Variants in PARVB observed in about 807,000 individuals in gnomAD.
PARVB encodes the protein beta-parvin.
PARVB carries 46 observed loss-of-function variants against 47.0 expected under a neutral mutation model. The ratio of observed to expected loss-of-function variants is 0.98; its 90% confidence interval spans 0.77 to 1.25. The LOEUF (loss-of-function observed/expected upper bound fraction) is 1.25, where lower values mean the gene tolerates loss of function less well. PARVB is among the 50% of genes most tolerant of loss of function. The pLI is 0.00. For missense variants in PARVB, 473 were observed against 471.6 expected (o/e 1.00, Z -0.03); for synonymous variants, 196 against 196.3 (o/e 1.00, Z 0.01).
intron 2 of PARVB, among the ~76,000 whole-genome samples, chr22:44,095,819 GGA>G (rs949048719): frequency 5.3e-5 from 8 of 152,220 alleles, no homozygotes; most frequent in African/African-American, 1.4e-4. Flanking sequence ...AAGAGCTTAT[GGA>G]GAAGAAACGC....
intron 3 of PARVB, among the ~76,000 whole-genome samples, chr22:44,101,236 C>T (rs998282567): frequency 4.0e-5 from 6 of 151,142 alleles, no homozygotes; most frequent in African/African-American, 4.9e-5. Context: ...GGTGAAACCC[C>T]GTCTCTACTA....
intron 1 of PARVB, among the ~76,000 whole-genome samples, chr22:44,082,300 C>G (rs755255089): frequency 2.0e-5 from 3 of 152,180 alleles, no homozygotes; most frequent in Non-Finnish European, 4.4e-5. Context: ...AGGTGGATCA[C>G]TTGAAATCAG....
rs1034562402 is a variant in PARVB at position 44,170,093 on chromosome 22, C to T, written c.*1415C>T. 6.6e-6 allele frequency: 1 copy of T among 150,982 alleles called. No individual in the cohort carries two copies. Among genetic ancestry groups the T allele is most frequent in the Admixed American group, 6.6e-5 (1 of 15,190 alleles). The allele number at this position is 150,982 out of a possible 1,614,324, so 9.4% of individuals were successfully genotyped here. A position where few individuals can be genotyped will look rare whatever the true frequency, so the allele number is the denominator to read the frequency against. ...TCAGCTCACTGCAGCCTTGATCTCC[C>T]AGGCTCAATTGATCCTCCCACCTCA... On this transcript the variant is annotated 3_prime_UTR_variant, in exon 13 of 13. Coordinates refer to ENST00000338758, the MANE Select transcript of PARVB (RefSeq NM_013327.5).
intron 8 of PARVB, chr22:44,140,441 G>A: frequency 1.4e-6 from 1 of 697,604 alleles, no homozygotes; most frequent in East Asian, 2.8e-5. Flanking sequence ...ACTGTCAGGG[G>A]CTGGAGCAAG....
intron 10 of PARVB, among the ~76,000 whole-genome samples, chr22:44,157,109 C>T (rs2053951667): frequency 6.6e-6 from 1 of 152,224 alleles, no homozygotes; most frequent in Non-Finnish European, 1.5e-5. Context: ...TGCATGTGGC[C>T]ATTGGCTACC....
intron 1 of PARVB, among the ~76,000 whole-genome samples, chr22:44,050,010 G>A (rs1277743076): frequency 1.3e-5 from 2 of 152,168 alleles, no homozygotes; most frequent in African/African-American, 2.4e-5. Flanking sequence ...ACCTGGACTC[G>A]CTGTCACTCA....
intron 2 of PARVB, among the ~76,000 whole-genome samples, chr22:44,016,611 A>G (rs1034454758): frequency 1.3e-5 from 2 of 152,204 alleles, no homozygotes; most frequent in Non-Finnish European, 2.9e-5. Flanking sequence ...AATTTTATAC[A>G]ATATTTTAAA....
intron 2 of PARVB, among the ~76,000 whole-genome samples, chr22:44,095,035 C>T (rs2052267834): frequency 6.8e-6 from 1 of 146,238 alleles, no homozygotes; most frequent in African/African-American, 2.5e-5. Context: ...TGTAGGAGCC[C>T]CGTGAGAGCC....
intron 1 of PARVB, among the ~76,000 whole-genome samples, chr22:44,076,089 C>A (rs1282914463): frequency 6.6e-6 from 1 of 152,230 alleles, no homozygotes; most frequent in African/African-American, 2.4e-5. Flanking sequence ...GAAGGAGGAC[C>A]GCCTGCCTCA....
At chr22:44,096,734 C>T (rs2052316689) in intron 2 of PARVB, among the ~76,000 whole-genome samples, 1 of 152,166 alleles carries the variant, frequency 6.6e-6, no homozygotes, top group Non-Finnish European at 1.5e-5. Context: ...AAGATGGTGG[C>T]CCTCATCAGA....
At position 44,131,591 on chromosome 22, in the gene PARVB, C is replaced by T. The variant is rs776127315; in HGVS notation, c.481C>T (p.Arg161Trp). The T allele has an allele frequency of 2.8e-5, 45 of 1,613,898 alleles. No homozygotes were observed. The highest frequency in any genetic ancestry group is 6.7e-5 in the East Asian group (3 of 44,884). ...TVLEAVHDLL[R>W]PRGWALRWSV... ...GCTGGAAGCAGTACATGACCTGCTG[C>T]GGCCCCGAGGCTGGGCGCTCCGGTG... Residue 161 changes from arginine to tryptophan, a missense_variant, in exon 5 of 13, where the codon CGG becomes TGG. By Grantham distance (101) the Arg-to-Trp change is moderately radical. Transcript: ENST00000338758.
chr22:44,068,090 C>T lies in PARVB; in HGVS notation c.113-25838C>T, dbSNP rs1020168378. Among the ~76,000 whole-genome samples the T allele has an allele frequency of 1.6e-5, 2 of 122,556 alleles. No individual in the cohort carries two copies. 80.4% of individuals were successfully genotyped at this position (122,556 alleles called of 152,430 possible). ...GACATGGGCCTCCCGTGGGCCTCAC[C>T]GCTTCCTGCTTCAGCAGAACTGGGA... On this transcript the variant is annotated intron_variant, in intron 1 of 12. Transcript: ENST00000338758. This position sits in a 1 kb window ranked among gnomAD's most constrained non-coding sequence, Gnocchi z 4.1.
chr22:44,151,621 G>A, intron 10 of PARVB, 70 bp downstream of exon 10: 1 of 1,237,832 alleles, frequency 8.1e-7, no homozygotes, highest in Non-Finnish European at 1.2e-6. Context: ...GATCCCAGGT[G>A]GGGCGCGTGA....
chr22:44,140,339 A>G, intron 8 of PARVB, 196 bp downstream of exon 8: 2 of 719,724 alleles, frequency 2.8e-6, no homozygotes, highest in Non-Finnish European at 5.1e-6. Context: ...CTCAGAGCTG[A>G]GAGTGGCTGG....
At position 44,132,979 on chromosome 22, in the gene PARVB, G is replaced by T. The variant is rs574450841; in HGVS notation, c.603G>T (p.Glu201Asp). Residue 201 changes from glutamate (E) to aspartate (D), a missense_variant, in exon 6 of 13, where the codon GAG becomes GAT. Glu to Asp is a conservative substitution (Grantham distance 45). Coordinates refer to ENST00000338758, the MANE Select transcript of PARVB (RefSeq NM_013327.5). ...TCAGGGCCCCCATCCGCCTTCCTGAGCATGTAACGGTGCAGGTGGTGGTCG... is the reference window on the plus strand; with the variant it reads ...TCAGGGCCCCCATCCGCCTTCCTGATCATGTAACGGTGCAGGTGGTGGTCG... ...MHFRAPIRLP[E>D]HVTVQVVVVR... is the part of the protein sequence containing the mutation. 2 of 1,614,024 alleles carry T rather than the reference G, an allele frequency of 1.2e-6. No homozygotes were observed. Among genetic ancestry groups the T allele is most frequent in the South Asian group, 1.1e-5 (1 of 91,072 alleles).
At chr22:44,025,627 C>T (rs1269246976) in intron 1 of PARVB, among the ~76,000 whole-genome samples, 4 of 152,170 alleles carry the variant, frequency 2.6e-5, no homozygotes, top group Non-Finnish European at 4.4e-5. Flanking sequence ...GGATAGGTCA[C>T]TCTTCTCTCA....
At chr22:44,024,478 C>T (rs919586896) in intron 1 of PARVB, 27 bp downstream of exon 1, 2 of 1,116,884 alleles carry the variant, frequency 1.8e-6, no homozygotes, top group African/African-American at 3.3e-5. Context: ...GCCCGCCGAC[C>T]CCCGGGGACC....
chr22:44,127,300 A>G (rs758736568), intron 4 of PARVB, among the ~76,000 whole-genome samples: 7 of 152,042 alleles, frequency 4.6e-5, no homozygotes, highest in South Asian at 2.1e-4. Flanking sequence ...GAATATTCAG[A>G]TAGTAACACA....
At chr22:44,060,768 C>A (rs529620882) in intron 1 of PARVB, among the ~76,000 whole-genome samples, 1 of 152,046 alleles carries the variant, frequency 6.6e-6, no homozygotes, top group East Asian at 1.9e-4. Context: ...TTCATTCCTT[C>A]TTAAACTCAG....
Sources: allele counts gnomAD v4.1 joint callset (sites outside exome capture counted in the v4.1 genomes callset), GRCh38; gene constraint gnomAD v4.1.1; non-coding constraint Gnocchi (gnomAD v3.1); transcripts MANE v1.5; gene names NCBI Gene and HGNC (gene_info 2026-07-23, HGNC 2026-07-21).